Variants in ANKRD62 observed in about 807,000 individuals in gnomAD.
The protein encoded by ANKRD62 is ankyrin repeat domain-containing protein 62.
In ANKRD62, 61 loss-of-function variants were observed where a neutral mutation model predicts 98.8. That is an observed-to-expected ratio of 0.62 (90% CI 0.50 to 0.76). The LOEUF is 0.76. Ranked by LOEUF, ANKRD62 falls within the 30% of genes least tolerant of loss-of-function variation. The probability of loss-of-function intolerance (pLI) is 0.00; values close to 1 mark genes in which losing one functional copy is unlikely to be tolerated. For missense variants in ANKRD62, 933 were observed against 1,082.9 expected (o/e 0.86, Z 1.94); for synonymous variants, 341 against 367.9 (o/e 0.93, Z 0.84).
intron 10 of ANKRD62, among the ~76,000 whole-genome samples, chr18:12,121,744 G>A (rs755899635): frequency 6.6e-6 from 1 of 152,174 alleles, no homozygotes; most frequent in Non-Finnish European, 1.5e-5. Flanking sequence ...TTTTAGTGAC[G>A]ACCATCTTCA....
intron 7 of ANKRD62, among the ~76,000 whole-genome samples, chr18:12,103,787 A>C (rs1909358070): frequency 6.6e-6 from 1 of 152,138 alleles, no homozygotes; most frequent in Non-Finnish European, 1.5e-5. Flanking sequence ...GGTTCAAGCA[A>C]AAATGTTCCC....
intron 6 of ANKRD62, 51 bp from the exon 7 acceptor site, chr18:12,103,107 C>T: frequency 8.3e-7 from 1 of 1,201,334 alleles, no homozygotes; most frequent in South Asian, 2.8e-5. Context: ...AAGTTTTTAT[C>T]TAATTGTTCT....
the ANKRD62 span, among the ~76,000 whole-genome samples, chr18:12,155,770 C>G: frequency 4.6e-4 from 70 of 152,284 alleles, no homozygotes; most frequent in East Asian, 9.6e-4. Flanking sequence ...CAGAACCTAG[C>G]TGGCCACTTC....
the ANKRD62 span, among the ~76,000 whole-genome samples, chr18:12,178,014 G>A: frequency 1.6e-3 from 165 of 103,926 alleles, 1 homozygote; most frequent in African/African-American, 6.3e-3. Flanking sequence ...TCATTGCACT[G>A]TGAGACAGAG....
the ANKRD62 span, among the ~76,000 whole-genome samples, chr18:12,155,368 G>A: frequency 6.6e-6 from 1 of 152,204 alleles, no homozygotes; most frequent in African/African-American, 2.4e-5. Context: ...ACTTGCAGGA[G>A]GCCACATCTT....
intron 11 of ANKRD62, among the ~76,000 whole-genome samples, chr18:12,122,925 G>A (rs537385654): frequency 3.9e-5 from 6 of 152,184 alleles, no homozygotes; most frequent in African/African-American, 1.4e-4. Context: ...AAAAGAGATC[G>A]TTGATTAATA....
the ANKRD62 span, among the ~76,000 whole-genome samples, chr18:12,172,169 T>C: frequency 3.3e-5 from 5 of 152,230 alleles, no homozygotes; most frequent in African/African-American, 9.6e-5. Flanking sequence ...CGTCCAACTT[T>C]GTTCCCTTGC....
intron 7 of ANKRD62, among the ~76,000 whole-genome samples, chr18:12,104,664 A>G (rs1371128458): frequency 2.0e-5 from 3 of 152,312 alleles, no homozygotes; most frequent in Admixed American, 6.5e-5. Context: ...ACACTCCATG[A>G]TAACTCTACA....
chr18:12,095,746 T>C (rs1422754810), intron 3 of ANKRD62, 136 bp downstream of exon 3: 3 of 819,284 alleles, frequency 3.7e-6, no homozygotes, highest in Non-Finnish European at 5.4e-6. Flanking sequence ...CATACAACTA[T>C]TTAAAAATAC....
chr18:12,146,531 C>CACTGGGGTGTCCA, the ANKRD62 span, among the ~76,000 whole-genome samples: 1 of 151,258 alleles, frequency 6.6e-6, no homozygotes, highest in Non-Finnish European at 1.5e-5. Flanking sequence ...CCGCAACCTC[C>CACTGGGGTGTCCA]GCCTCCTGGG....
chr18:12,119,796 G>A (rs1157196044), intron 10 of ANKRD62, among the ~76,000 whole-genome samples: 2 of 151,466 alleles, frequency 1.3e-5, no homozygotes, highest in Non-Finnish European at 2.9e-5. Flanking sequence ...TAGAAGTCAG[G>A]GTTATTGATT....
chr18:12,146,579 G>A, the ANKRD62 span, among the ~76,000 whole-genome samples: 2 of 152,198 alleles, frequency 1.3e-5, no homozygotes, highest in Non-Finnish European at 2.9e-5. Flanking sequence ...CCGAGCAGCT[G>A]GGACTACAGG....
intron 9 of ANKRD62, 42 bp downstream of exon 9, chr18:12,115,163 C>A: frequency 7.3e-7 from 1 of 1,372,264 alleles, no homozygotes; most frequent in Non-Finnish European, 9.4e-7. Context: ...TTGAACATAC[C>A]TTAAAAAAGA....
At chr18:12,167,951 A>G in the ANKRD62 span, among the ~76,000 whole-genome samples, 348 of 152,154 alleles carry the variant, frequency 2.3e-3, 1 homozygote, top group East Asian at 0.025. Context: ...ATCTATTCAT[A>G]TGCTTTGCCC....
At chr18:12,115,056 G>T (rs1909631520) in intron 8 of ANKRD62, 32 bp from the exon 9 acceptor site, 5 of 1,372,548 alleles carry the variant, frequency 3.6e-6, no homozygotes, top group Non-Finnish European at 4.7e-6. Context: ...TTTACTATTT[G>T]CCTGATTGGA....
At chr18:12,103,497 A>G (rs972362422) in intron 7 of ANKRD62, among the ~76,000 whole-genome samples, 1 of 152,140 alleles carries the variant, frequency 6.6e-6, no homozygotes, top group Non-Finnish European at 1.5e-5. Context: ...AGAAAGTAAT[A>G]TCAAATATTG....
Position 12,122,502 on chromosome 18 carries a change from G to C in ANKRD62, c.1440G>C (p.Lys480Asn). 1 of 1,520,460 alleles carries C rather than the reference G, an allele frequency of 6.6e-7. No individual in the cohort carries two copies. Among genetic ancestry groups the C allele is most frequent in the Non-Finnish European group, 8.8e-7 (1 of 1,142,748 alleles). 94.2% of individuals were successfully genotyped at this position (1,520,460 alleles called of 1,614,324 possible). Residue 480 changes from lysine (K) to asparagine (N), a missense_variant, in exon 11 of 14, where the codon AAG (lysine) becomes AAC (asparagine). Lys to Asn is a moderately conservative substitution (Grantham distance 94). Around this residue, in one of 3 missense-constraint regions of ANKRD62, gnomAD observed 549 missense variants for 587.9 expected, o/e 0.93. Transcript: ENST00000587848. ...ATCAGAATCTTCAAGGGAAAAAAAA[G>C]CTCTGTAATTTGAGGTATCACATTC... ...SEHQNLQGKK[K>N]LCNLRFILQQ...
At chr18:12,178,145 C>T in the ANKRD62 span, among the ~76,000 whole-genome samples, 4 of 151,558 alleles carry the variant, frequency 2.6e-5, no homozygotes, top group East Asian at 1.9e-4. Flanking sequence ...TTTGAGAGGC[C>T]AGGAGAGCTT....
At position 12,126,318 on chromosome 18, in the gene ANKRD62, A is replaced by G. The variant is rs1193394452; in HGVS notation, c.2497A>G (p.Met833Val). Reference sequence around the variant, plus strand: ...GCTAGAAGAGAACAATAAGGGGTTGATGAAGGAATGCACTCTTTTAAAAGA... The same window carrying G: ...GCTAGAAGAGAACAATAAGGGGTTGGTGAAGGAATGCACTCTTTTAAAAGA... Reference protein sequence around the residue: ...RKLEENNKGLMKECTLLKERQ... With the variant: ...RKLEENNKGLVKECTLLKERQ... Residue 833 changes from methionine (M) to valine (V), a missense_variant, in exon 13 of 14, where the codon ATG (methionine) becomes GTG (valine). Physicochemically the swap from Met to Val is conservative, Grantham distance 21. Transcript: ENST00000587848. The G allele has an allele frequency of 1.3e-6, 2 of 1,532,914 alleles. No homozygotes were observed. Among genetic ancestry groups the G allele is most frequent in the Non-Finnish European group, 8.7e-7 (1 of 1,145,870 alleles). The allele number at this position is 1,532,914 out of a possible 1,614,324, so 95.0% of individuals were successfully genotyped here.
Sources: allele counts gnomAD v4.1 joint callset (sites outside exome capture counted in the v4.1 genomes callset), GRCh38; gene constraint gnomAD v4.1.1; regional missense constraint gnomAD v4.1.1; transcripts MANE v1.5; gene names NCBI Gene and HGNC (gene_info 2026-07-23, HGNC 2026-07-21).